Variants in CREB5 observed in about 807,000 individuals in gnomAD.
CREB5 encodes cAMP responsive element binding protein 5.
A neutral mutation model predicts 57.1 loss-of-function variants in CREB5; 19 were observed. The observed-to-expected ratio is 0.33, with a 90% CI of 0.23 to 0.49. The LOEUF (loss-of-function observed/expected upper bound fraction) is 0.49, where lower values mean the gene tolerates loss of function less well. CREB5 is among the 20% of genes least tolerant of loss of function. CREB5 has a pLI of 0.99. For synonymous variants in CREB5, 238 were observed against 238.3 expected (o/e 1.00, Z 0.01); for missense variants, 579 against 671.6 (o/e 0.86, Z 1.52).
intron 5 of CREB5, among the ~76,000 whole-genome samples, chr7:28,662,634 C>T (rs1201961188): frequency 6.6e-6 from 1 of 152,132 alleles, no homozygotes; most frequent in Non-Finnish European, 1.5e-5. Flanking sequence ...AATTCCAGCT[C>T]CCCCCAACAC....
chr7:28,660,390 T>G (rs76448147), intron 5 of CREB5, among the ~76,000 whole-genome samples: 1 of 150,838 alleles, frequency 6.6e-6, no homozygotes, highest in East Asian at 1.9e-4. Flanking sequence ...AGTTTTTTTT[T>G]TTTTTTTTTT....
intron 4 of CREB5, among the ~76,000 whole-genome samples, chr7:28,509,227 T>C (rs989105860): frequency 2.6e-5 from 4 of 152,246 alleles, no homozygotes; most frequent in Non-Finnish European, 1.5e-5. Flanking sequence ...TTACCTCAAG[T>C]GTGTGCCCTT....
chr7:28,822,495 A>G lies in CREB5; in HGVS notation c.*3216A>G, dbSNP rs1292912083. ...TCCATGTGTTCATGAATCAATCATC[A>G]CGGCCTGCAGAGCACCTGTCCTAAG... On this transcript the variant is annotated 3_prime_UTR_variant, in exon 11 of 11. Transcript: ENST00000357727. The G allele has an allele frequency of 6.6e-6, 1 of 152,586 alleles. No individual in the cohort carries two copies. The highest frequency in any genetic ancestry group is 6.5e-5 in the Admixed American group (1 of 15,268). The allele number at this position is 152,586 out of a possible 1,614,324, so 9.5% of individuals were successfully genotyped here. A position where few individuals can be genotyped will look rare whatever the true frequency, so the allele number is the denominator to read the frequency against.
intron 4 of CREB5, among the ~76,000 whole-genome samples, chr7:28,533,650 T>G (rs1346047021): frequency 6.6e-6 from 1 of 152,238 alleles, no homozygotes; most frequent in Non-Finnish European, 1.5e-5. Context: ...CTCTCCATTT[T>G]ACATCATGTC....
chr7:28,305,330 T>C (rs1017412694), intron 1 of CREB5, among the ~76,000 whole-genome samples: 1 of 152,194 alleles, frequency 6.6e-6, no homozygotes, highest in Admixed American at 6.5e-5. Context: ...CTTTCTTTCT[T>C]CTTCTCTGAA....
intron 5 of CREB5, among the ~76,000 whole-genome samples, chr7:28,644,494 C>A (rs192489766): frequency 2.6e-5 from 4 of 152,250 alleles, no homozygotes; most frequent in Admixed American, 6.5e-5. Flanking sequence ...TAGCGTAAGA[C>A]CTTGTCGCGC....
chr7:28,742,112 G>A (rs1804391215), intron 7 of CREB5, among the ~76,000 whole-genome samples: 1 of 148,526 alleles, frequency 6.7e-6, no homozygotes, highest in South Asian at 2.1e-4. Context: ...TCTCACATTT[G>A]ATTAACATAT....
chr7:28,718,338 G>A (rs993320266), intron 5 of CREB5, among the ~76,000 whole-genome samples: 1 of 152,238 alleles, frequency 6.6e-6, no homozygotes, highest in Non-Finnish European at 1.5e-5. Flanking sequence ...AGCCAGGCAG[G>A]CTTCCAGGCA....
chr7:28,548,984 A>G (rs1357080849), intron 4 of CREB5, among the ~76,000 whole-genome samples: 1 of 152,230 alleles, frequency 6.6e-6, no homozygotes, highest in Non-Finnish European at 1.5e-5. Context: ...AATAAATAAT[A>G]CACAGATATT....
chr7:28,642,975 CACACACACACAT>C (rs1562544692), intron 5 of CREB5, among the ~76,000 whole-genome samples: 48 of 89,582 alleles, frequency 5.4e-4, no homozygotes, highest in Non-Finnish European at 1.0e-3. Context: ...CACACACACA[CACACACACACAT>C]ACACACACAC....
intron 1 of CREB5, among the ~76,000 whole-genome samples, chr7:28,465,012 A>G (rs963407545): frequency 4.6e-5 from 7 of 152,166 alleles, no homozygotes; most frequent in Non-Finnish European, 8.8e-5. Context: ...AGTAGAAACT[A>G]TTAGTAGGGG....
intron 7 of CREB5, among the ~76,000 whole-genome samples, chr7:28,762,792 GAA>G (rs1428104447): frequency 6.6e-6 from 1 of 151,170 alleles, no homozygotes; most frequent in African/African-American, 2.4e-5. Context: ...GAAACTGAGA[GAA>G]AGTGCATTTC....
intron 4 of CREB5, among the ~76,000 whole-genome samples, chr7:28,516,956 C>T (rs1361115989): frequency 6.6e-6 from 1 of 152,194 alleles, no homozygotes; most frequent in Non-Finnish European, 1.5e-5. Flanking sequence ...GCTCAGGAGG[C>T]CCTTGCATCT....
rs1222605702 is a variant in CREB5, at chr7:28,825,789, A to T, written c.*6510A>T. ...TTCATTAAGACTGTTCAACTAGGTC[A>T]GATTTTTACATCTCTTTCTAGCAAG... is the stretch of plus-strand genomic sequence containing the variant. On this transcript the variant is annotated 3_prime_UTR_variant, in exon 11 of 11. Coordinates refer to ENST00000357727, the MANE Select transcript of CREB5 (RefSeq NM_182898.4). 2 of 152,678 alleles carry T rather than the reference A, an allele frequency of 1.3e-5. No homozygotes were observed. Among genetic ancestry groups the T allele is most frequent in the Non-Finnish European group, 2.9e-5 (2 of 68,038 alleles). The allele number at this position is 152,678 out of a possible 1,614,324, so 9.5% of individuals were successfully genotyped here.
chr7:28,487,981 C>G (rs544067028), intron 1 of CREB5, among the ~76,000 whole-genome samples, 194 bp from the exon 2 acceptor site: 1 of 152,268 alleles, frequency 6.6e-6, no homozygotes, highest in East Asian at 1.9e-4. Context: ...CAGTAGGAGC[C>G]CAGCCTAGGT....
chr7:28,795,797 G>A (rs1354786806), intron 7 of CREB5, among the ~76,000 whole-genome samples: 1 of 143,296 alleles, frequency 7.0e-6, no homozygotes, highest in Non-Finnish European at 1.5e-5. Context: ...CTGTTGCCCA[G>A]GCTGGAGTGC....
At chr7:28,396,076 G>A (rs1787328373) in intron 1 of CREB5, among the ~76,000 whole-genome samples, 1 of 152,188 alleles carries the variant, frequency 6.6e-6, no homozygotes, top group African/African-American at 2.4e-5. Context: ...TGAAACATTT[G>A]CAAATGAGCA....
chr7:28,486,675 T>TATATATATATTTATAA (rs1562750384), intron 1 of CREB5, among the ~76,000 whole-genome samples: 2 of 129,574 alleles, frequency 1.5e-5, no homozygotes, highest in African/African-American at 5.9e-5. Flanking sequence ...TGATTTTATA[T>TATATATATATTTATAA]ATATATATAT....
chr7:28,766,335 C>G (rs1805984833), intron 7 of CREB5, among the ~76,000 whole-genome samples: 1 of 152,180 alleles, frequency 6.6e-6, no homozygotes, highest in Non-Finnish European at 1.5e-5. Context: ...CCCTCAAACT[C>G]TGCCTCCCCG....
Sources: gnomAD v4.1 joint callset for allele counts (sites outside exome capture counted in the v4.1 genomes callset) on GRCh38, gnomAD v4.1.1 for gene constraint, MANE v1.5 for transcripts, NCBI Gene and HGNC (gene_info 2026-07-23, HGNC 2026-07-21) for gene names.